ADAMTSL1: variants seen among roughly 807,000 people sequenced by gnomAD.
ADAMTSL1 encodes the protein ADAMTS-like protein 1.
Under a neutral mutation model 201.8 loss-of-function variants are expected in ADAMTSL1, and 126 were observed. The ratio of observed to expected loss-of-function variants is 0.62; its 90% CI spans 0.54 to 0.72. The LOEUF (loss-of-function observed/expected upper bound fraction) is 0.72, where lower values mean the gene tolerates loss of function less well. Among genes scored for constraint, ADAMTSL1 ranks in the 30% least tolerant of loss-of-function variants. The pLI is 0.00. For synonymous variants in ADAMTSL1, 1,121 were observed against 903.4 expected, an observed-to-expected ratio of 1.24 and a Z score of -4.32; for missense variants, 2,679 against 2,277.8, an observed-to-expected ratio of 1.18 and a Z score of -3.59.
intron 2 of ADAMTSL1, among the ~76,000 whole-genome samples, chr9:18,512,056 G>C (rs1190064423): frequency 6.6e-6 from 1 of 152,156 alleles, no homozygotes; most frequent in Non-Finnish European, 1.5e-5. Flanking sequence ...CAAGTTCAGA[G>C]TGGGTATGAC....
At chr9:18,577,391 C>G (rs999459064) in intron 4 of ADAMTSL1, among the ~76,000 whole-genome samples, 1 of 152,126 alleles carries the variant, frequency 6.6e-6, no homozygotes, top group African/African-American at 2.4e-5. Flanking sequence ...GAGGCTGAGG[C>G]AGGACAATGG....
chr9:18,666,634 C>G (rs1829452288), intron 9 of ADAMTSL1, among the ~76,000 whole-genome samples: 1 of 152,140 alleles, frequency 6.6e-6, no homozygotes, highest in Non-Finnish European at 1.5e-5. Flanking sequence ...AAGCTTCTGT[C>G]TTACGCCAAT....
At chr9:18,693,276 A>T (rs548590136) in intron 13 of ADAMTSL1, among the ~76,000 whole-genome samples, 1 of 152,326 alleles carries the variant, frequency 6.6e-6, no homozygotes, top group East Asian at 1.9e-4. Flanking sequence ...CATTTTATTG[A>T]TATTTCACTG....
At chr9:18,513,222 C>T (rs1362333466) in intron 2 of ADAMTSL1, among the ~76,000 whole-genome samples, 1 of 152,148 alleles carries the variant, frequency 6.6e-6, no homozygotes, top group Non-Finnish European at 1.5e-5. Flanking sequence ...TTGTTAACTA[C>T]ACCAGCAGTG....
Position 18,858,104 on chromosome 9 carries a change from TATAATC to T in ADAMTSL1, c.4249+28130_4249+28135del, listed in dbSNP as rs567009934. Among the ~76,000 whole-genome samples, 15 of 152,264 alleles carry T rather than the reference TATAATC, an allele frequency of 9.9e-5. No individual in the cohort carries two copies. The South Asian group carries it at 3.1e-3, about 32-fold the overall frequency. On this transcript the variant is annotated intron_variant, in intron 23 of 28. Transcript: ENST00000380548. ...GTATAGCCATATACACACACACTAA[TATAATC>T]ATTTCTATATTAATCTATACATTGA...
At chr9:18,410,155 C>T (rs948140977) in intron 2 of ADAMTSL1, among the ~76,000 whole-genome samples, 2 of 151,720 alleles carry the variant, frequency 1.3e-5, no homozygotes, top group Admixed American at 6.6e-5. Context: ...TAAACAACTC[C>T]TGGATCTAAT....
chr9:18,771,548 CT>C (rs1820688160), intron 17 of ADAMTSL1, among the ~76,000 whole-genome samples: 1 of 152,162 alleles, frequency 6.6e-6, no homozygotes, highest in Admixed American at 6.5e-5. Flanking sequence ...ACCTGTGTGT[CT>C]TCCATGGAGA....
rs764632580 is a variant in ADAMTSL1 at position 18,707,181 on chromosome 9, A to C, written c.1876+133A>C. 8.7e-6 allele frequency: 10 copies of C among 1,156,056 alleles called. No homozygotes were observed. In the South Asian group the frequency reaches 1.6e-4, roughly 18 times the overall value. 71.6% of individuals were successfully genotyped at this position (1,156,056 alleles called of 1,614,324 possible). A position where few individuals can be genotyped will look rare whatever the true frequency, so the allele number is the denominator to read the frequency against. ...GAGGAGGAGGGGAGGCAGCCATTCTAAATGTAAAGCACACTGAATCAAACA... is the reference window on the plus strand; with the variant it reads ...GAGGAGGAGGGGAGGCAGCCATTCTCAATGTAAAGCACACTGAATCAAACA... On this transcript the variant is annotated intron_variant, in intron 14 of 28. Coordinates refer to ENST00000380548, the MANE Select transcript of ADAMTSL1 (RefSeq NM_001040272.6).
chr9:18,302,492 C>G (rs560160879), intron 2 of ADAMTSL1, among the ~76,000 whole-genome samples: 2 of 152,282 alleles, frequency 1.3e-5, no homozygotes, highest in African/African-American at 4.8e-5. Flanking sequence ...ATTTCTCCTT[C>G]TACATGTGTA....
intron 20 of ADAMTSL1, chr9:18,796,739 A>G (rs1563808880): frequency 6.6e-6 from 1 of 152,198 alleles, no homozygotes; most frequent in Non-Finnish European, 1.5e-5. Flanking sequence ...TTTTTTGTGA[A>G]TAAAACATTT....
chr9:18,310,092 G>C (rs59737180), intron 2 of ADAMTSL1, among the ~76,000 whole-genome samples: 2 of 151,752 alleles, frequency 1.3e-5, no homozygotes, highest in Non-Finnish European at 2.9e-5. Flanking sequence ...GGGGAAAGGA[G>C]TCCCTATTTA....
chr9:18,742,182 T>C (rs1818870497), intron 15 of ADAMTSL1, among the ~76,000 whole-genome samples: 1 of 152,168 alleles, frequency 6.6e-6, no homozygotes, highest in Non-Finnish European at 1.5e-5. Flanking sequence ...CTAAATAAGG[T>C]CACATTCTGA....
chr9:18,067,331 T>C (rs1822750595), intron 1 of ADAMTSL1, among the ~76,000 whole-genome samples: 1 of 152,190 alleles, frequency 6.6e-6, no homozygotes, highest in Non-Finnish European at 1.5e-5. Context: ...ATATGTATAA[T>C]GCATGGAACA....
At chr9:18,822,674 A>G (rs766173449) in intron 21 of ADAMTSL1, among the ~76,000 whole-genome samples, 1 of 152,184 alleles carries the variant, frequency 6.6e-6, no homozygotes, top group Admixed American at 6.5e-5. Context: ...CTTAATCTCT[A>G]TGAGACCCTT....
At chr9:17,907,332 C>G (rs4341244) in intron 1 of ADAMTSL1, among the ~76,000 whole-genome samples, 152,116 of 152,226 alleles carry the variant, frequency 1, 76,003 homozygotes, top group Middle Eastern at 1. Context: ...GCGCCGGGGA[C>G]ACTCGGGTGC....
chr9:18,843,720 G>A (rs1825887525), intron 23 of ADAMTSL1, among the ~76,000 whole-genome samples: 1 of 150,872 alleles, frequency 6.6e-6, no homozygotes, highest in Non-Finnish European at 1.5e-5. Flanking sequence ...ATTTCTTGGA[G>A]GCTTTGTTCA....
intron 15 of ADAMTSL1, among the ~76,000 whole-genome samples, chr9:18,735,978 T>C (rs1469543209): frequency 6.6e-6 from 1 of 151,912 alleles, no homozygotes; most frequent in East Asian, 1.9e-4. Context: ...ACTTCCACCC[T>C]AGACTAGTAT....
chr9:18,816,096 A>G (rs1484973280), intron 20 of ADAMTSL1, among the ~76,000 whole-genome samples: 1 of 152,168 alleles, frequency 6.6e-6, no homozygotes, highest in Non-Finnish European at 1.5e-5. Flanking sequence ...CTCCTATGTA[A>G]CTATAACTTT....
chr9:18,879,006 C>T (rs1312827858), intron 23 of ADAMTSL1, among the ~76,000 whole-genome samples: 2 of 152,184 alleles, frequency 1.3e-5, no homozygotes, highest in Non-Finnish European at 2.9e-5. Context: ...ATGGAACCAG[C>T]TGCACTGCCA....
Sources: gnomAD v4.1 joint callset for allele counts (sites outside exome capture counted in the v4.1 genomes callset) on GRCh38, gnomAD v4.1.1 for gene constraint, MANE v1.5 for transcripts, NCBI Gene and HGNC (gene_info 2026-07-23, HGNC 2026-07-21) for gene names.